Variants in KCNT2 observed in about 807,000 individuals in gnomAD.
KCNT2 encodes the protein potassium channel subfamily T member 2.
KCNT2 carries 67 observed loss-of-function variants against 153.8 expected under a neutral mutation model. The ratio of observed to expected loss-of-function variants is 0.44; its 90% CI spans 0.36 to 0.53. The LOEUF (loss-of-function observed/expected upper bound fraction) is 0.53, where lower values mean the gene tolerates loss of function less well. Among genes scored for constraint, KCNT2 ranks in the 20% least tolerant of loss-of-function variants. The probability of loss-of-function intolerance (pLI) is 0.00; values close to 1 mark genes in which losing one functional copy is unlikely to be tolerated. For synonymous variants in KCNT2, 500 were observed against 458.8 expected, an observed-to-expected ratio of 1.09 and a Z score of -1.15; for missense variants, 975 against 1,354.8, an observed-to-expected ratio of 0.72 and a Z score of 4.40.
intron 25 of KCNT2, 93 bp downstream of exon 25, chr1:196,280,767 T>C: frequency 1.6e-6 from 2 of 1,220,144 alleles, no homozygotes; most frequent in South Asian, 1.3e-5. Context: ...TTTCACTTTC[T>C]CTTGCATTTT....
chr1:196,577,327 G>A (rs901580941), intron 1 of KCNT2, among the ~76,000 whole-genome samples: 23 of 152,054 alleles, frequency 1.5e-4, no homozygotes, highest in Non-Finnish European at 5.9e-5. Flanking sequence ...AACAAATGAG[G>A]TGAACCTACA....
intron 12 of KCNT2, among the ~76,000 whole-genome samples, chr1:196,410,018 T>G (rs2148478132): frequency 6.6e-6 from 1 of 151,820 alleles, no homozygotes; most frequent in African/African-American, 2.4e-5. Flanking sequence ...TCTGCTGTTT[T>G]CGATTTGCAT....
At chr1:196,293,511 C>T (rs112762786) in intron 22 of KCNT2, among the ~76,000 whole-genome samples, 7,658 of 152,042 alleles carry the variant, frequency 0.05, 288 homozygotes, top group Non-Finnish European at 0.072. Context: ...GAATTAATGG[C>T]CTATTGATTT....
chr1:196,283,889 C>A (rs182821498), intron 23 of KCNT2, among the ~76,000 whole-genome samples: 222 of 151,938 alleles, frequency 1.5e-3, no homozygotes, highest in African/African-American at 5.0e-3. Context: ...TACACACACA[C>A]AAATGCAGGT....
At chr1:196,484,164 G>A (rs1314555532) in intron 3 of KCNT2, among the ~76,000 whole-genome samples, 3 of 151,974 alleles carry the variant, frequency 2.0e-5, no homozygotes, top group African/African-American at 4.8e-5. Context: ...AAAGAAAATT[G>A]GTAATTAACA....
chr1:196,481,308 G>A (rs117835892), intron 4 of KCNT2, among the ~76,000 whole-genome samples: 1,726 of 152,256 alleles, frequency 0.011, 28 homozygotes, highest in South Asian at 0.071. Flanking sequence ...AGACTTGGAA[G>A]AGTGAGAAGG....
At chr1:196,538,747 A>C (rs1196380729) in intron 1 of KCNT2, among the ~76,000 whole-genome samples, 1 of 151,914 alleles carries the variant, frequency 6.6e-6, no homozygotes, top group East Asian at 1.9e-4. Flanking sequence ...AAGCATAGCC[A>C]CCTCCCTTAC....
intron 22 of KCNT2, among the ~76,000 whole-genome samples, chr1:196,286,727 T>C (rs1404961069): frequency 1.3e-5 from 2 of 152,086 alleles, no homozygotes; most frequent in African/African-American, 4.8e-5. Context: ...AGGGTTTCTT[T>C]TTAAAAATTC....
chr1:196,441,425 CTT>C (rs10591749), intron 8 of KCNT2, among the ~76,000 whole-genome samples: 24 of 149,342 alleles, frequency 1.6e-4, no homozygotes, highest in Non-Finnish European at 2.2e-4. Context: ...TTAAAATCTA[CTT>C]TTTTTTTTTT....
At chr1:196,526,591 T>A (rs1654244660) in intron 1 of KCNT2, among the ~76,000 whole-genome samples, 1 of 151,986 alleles carries the variant, frequency 6.6e-6, no homozygotes, top group Admixed American at 6.6e-5. Flanking sequence ...TAGCTGGGAT[T>A]ACAGGCACGC....
chr1:196,260,685 G>A (rs762888423), intron 25 of KCNT2, among the ~76,000 whole-genome samples: 29 of 151,758 alleles, frequency 1.9e-4, no homozygotes, highest in Non-Finnish European at 4.1e-4. Flanking sequence ...TTTGGAATTT[G>A]CATTCTTTTC....
Position 196,481,073 on chromosome 1 carries a change from G to A in KCNT2, c.324+1258C>T, listed in dbSNP as rs896574743. Among the ~76,000 whole-genome samples the A allele has an allele frequency of 2.0e-5, 3 of 151,912 alleles. No homozygotes were observed. The East Asian group carries it at 5.8e-4, about 29-fold the overall frequency. ...TTTCAATATTTTCAGTGTTATTTAT[G>A]AATTAATATGATATTGCAACAAAAG... On this transcript the variant is annotated intron_variant, in intron 4 of 27. Transcript: ENST00000294725.
chr1:196,303,861 C>T (rs1454754398), intron 22 of KCNT2, among the ~76,000 whole-genome samples: 1 of 152,144 alleles, frequency 6.6e-6, no homozygotes, highest in Non-Finnish European at 1.5e-5. Context: ...ACTACTACAT[C>T]ATGCCAGCAC....
intron 25 of KCNT2, among the ~76,000 whole-genome samples, chr1:196,280,360 C>T (rs1658981113): frequency 6.6e-6 from 1 of 152,198 alleles, no homozygotes; most frequent in Admixed American, 6.5e-5. Flanking sequence ...TGACACTACT[C>T]TTATACTCAG....
chr1:196,284,006 C>A (rs2477559), intron 23 of KCNT2, among the ~76,000 whole-genome samples: 149,815 of 150,832 alleles, frequency 0.99, 74,411 homozygotes, highest in Middle Eastern at 1. Flanking sequence ...CAAGGTTGGC[C>A]GATCACCTGA....
At chr1:196,464,548 C>G (rs1572544739) in intron 8 of KCNT2, among the ~76,000 whole-genome samples, 1 of 151,796 alleles carries the variant, frequency 6.6e-6, no homozygotes, top group South Asian at 2.1e-4. Context: ...TCCTAATTAG[C>G]TTTTTCTCTT....
In KCNT2 at chr1:196,608,425, A is replaced by T; in HGVS notation, c.-116T>A. ...ACAAGACGCTGTGGCCGAGAGAGGG[A>T]TGGGAGAAGGGGAAGGGGACAGGGA... is the stretch of plus-strand genomic sequence containing the variant. On this transcript the variant is annotated 5_prime_UTR_variant, in exon 1 of 28. Transcript: ENST00000294725. The T allele has an allele frequency of 2.1e-4, 128 of 599,538 alleles. No homozygotes were observed. The highest frequency in any genetic ancestry group is 3.7e-4 in the East Asian group (9 of 24,286). 37.1% of individuals were successfully genotyped at this position (599,538 alleles called of 1,614,324 possible). A position where few individuals can be genotyped will look rare whatever the true frequency, so the allele number is the denominator to read the frequency against.
At chr1:196,431,694 G>T (rs887181352) in intron 8 of KCNT2, among the ~76,000 whole-genome samples, 2 of 152,084 alleles carry the variant, frequency 1.3e-5, no homozygotes, top group African/African-American at 4.8e-5. Context: ...TGTTCGAGGC[G>T]ATGTATTGTG....
intron 13 of KCNT2, among the ~76,000 whole-genome samples, chr1:196,382,939 A>G (rs546394184): frequency 1.3e-5 from 2 of 152,258 alleles, no homozygotes; most frequent in South Asian, 2.1e-4. Flanking sequence ...GTGAAAAAAA[A>G]AGGATCAGCG....
Sources: allele counts gnomAD v4.1 joint callset (sites outside exome capture counted in the v4.1 genomes callset), GRCh38; gene constraint gnomAD v4.1.1; transcripts MANE v1.5; gene names NCBI Gene and HGNC (gene_info 2026-07-23, HGNC 2026-07-21).